PDIA5: variants seen among roughly 807,000 people sequenced by gnomAD.
The protein encoded by PDIA5 is protein disulfide isomerase family A member 5.
Under a neutral mutation model 77.6 loss-of-function variants are expected in PDIA5, and 58 were observed. The observed-to-expected ratio is 0.75, with a 90% confidence interval of 0.61 to 0.93. The LOEUF (loss-of-function observed/expected upper bound fraction) is 0.93, where lower values mean the gene tolerates loss of function less well. Among genes scored for constraint, PDIA5 ranks in the 40% least tolerant of loss-of-function variants. The pLI is 0.00. For synonymous variants in PDIA5, 250 were observed against 252.1 expected, an observed-to-expected ratio of 0.99 and a Z score of 0.08; for missense variants, 630 against 647.7, an observed-to-expected ratio of 0.97 and a Z score of 0.30.
intron 11 of PDIA5, among the ~76,000 whole-genome samples, chr3:123,139,032 C>T (rs188781201): frequency 6.6e-6 from 1 of 152,170 alleles, no homozygotes; most frequent in Non-Finnish European, 1.5e-5. Context: ...TGACAGGAAG[C>T]CAACATTCCC....
chr3:123,150,285 C>T lies in PDIA5; in HGVS notation c.1194C>T (p.Ser398=), dbSNP rs61996320. ...CCACGTGGGAAGAGCAGCAGACAAGCGTGTTGCACCTGGTGGGGGACAACT... is the reference window on the plus strand; with the variant it reads ...CCACGTGGGAAGAGCAGCAGACAAGTGTGTTGCACCTGGTGGGGGACAACT... The part of the protein sequence containing the change: ...PEPTWEEQQT[S]VLHLVGDNFR... Residue 398 remains serine, a synonymous_variant, in exon 14 of 17, where the codon AGC becomes AGT. Transcript: ENST00000316218. The T allele has an allele frequency of 1.8e-3, 2,850 of 1,613,606 alleles. 48 individuals carry two copies. The African/African-American group carries it at 0.034, about 19-fold the overall frequency.
intron 7 of PDIA5, among the ~76,000 whole-genome samples, chr3:123,112,816 T>C (rs961396429): frequency 6.6e-6 from 1 of 152,050 alleles, no homozygotes; most frequent in Non-Finnish European, 1.5e-5. Context: ...CACCTCGGCC[T>C]CCCAAAGTGC....
At chr3:123,151,392 T>C (rs1935889321) in intron 14 of PDIA5, among the ~76,000 whole-genome samples, 1 of 152,266 alleles carries the variant, frequency 6.6e-6, no homozygotes, top group Non-Finnish European at 1.5e-5. Flanking sequence ...CCCAAGGCCA[T>C]GGGGCAAGTT....
At chr3:123,090,599 C>T (rs770532966) in intron 2 of PDIA5, among the ~76,000 whole-genome samples, 23 of 152,158 alleles carry the variant, frequency 1.5e-4, no homozygotes, top group Non-Finnish European at 3.2e-4. Context: ...CCCTATGCCC[C>T]GCTGTCTCTC....
At chr3:123,072,542 G>A (rs774704414) in intron 1 of PDIA5, among the ~76,000 whole-genome samples, 14 of 152,114 alleles carry the variant, frequency 9.2e-5, no homozygotes, top group Non-Finnish European at 1.6e-4. Context: ...TCTCCCCACG[G>A]GAGTTACTTG....
In PDIA5 at chr3:123,124,312, A is replaced by T; in HGVS notation, c.742A>T (p.Thr248Ser). Residue 248 changes from threonine (T) to serine (S), a missense_variant, in exon 10 of 17, where the codon ACA (threonine) becomes TCA (serine). Transcript: ENST00000316218. ...FLFQYDNYGS[T>S]AEDIVEWLKN... Reference sequence around the variant, plus strand: ...GTTCCAGTATGACAACTATGGGTCCACAGCTGAGGACATTGTGGAGTGGCT... The same window carrying T: ...GTTCCAGTATGACAACTATGGGTCCTCAGCTGAGGACATTGTGGAGTGGCT... 6.2e-7 allele frequency: 1 copy of T among 1,613,746 alleles called. No individual in the cohort carries two copies. Among genetic ancestry groups the T allele is most frequent in the Non-Finnish European group, 8.5e-7 (1 of 1,179,614 alleles).
intron 8 of PDIA5, among the ~76,000 whole-genome samples, chr3:123,121,589 C>G (rs1356242858): frequency 6.6e-6 from 1 of 152,106 alleles, no homozygotes; most frequent in African/African-American, 2.4e-5. Context: ...CAAAGGCTGC[C>G]CAGAGACGTG....
At chr3:123,107,752 T>C (rs556240531) in intron 6 of PDIA5, among the ~76,000 whole-genome samples, 7 of 152,168 alleles carry the variant, frequency 4.6e-5, no homozygotes, top group Admixed American at 6.6e-5. Flanking sequence ...AAATAAAACA[T>C]AGCTTTCATC....
intron 1 of PDIA5, 36 bp downstream of exon 1, chr3:123,067,242 C>A: frequency 8.1e-7 from 1 of 1,236,900 alleles, no homozygotes; most frequent in Non-Finnish European, 1.0e-6. Context: ...GCCGGGCCAG[C>A]ACGTGTGTCC....
intron 11 of PDIA5, among the ~76,000 whole-genome samples, chr3:123,142,660 G>A (rs1008298847): frequency 6.6e-6 from 1 of 152,228 alleles, no homozygotes; most frequent in Non-Finnish European, 1.5e-5. Context: ...TATCTGCTGT[G>A]GAGAACAAGG....
intron 10 of PDIA5, among the ~76,000 whole-genome samples, chr3:123,126,473 A>G (rs1166581067): frequency 6.6e-6 from 1 of 152,202 alleles, no homozygotes; most frequent in Non-Finnish European, 1.5e-5. Flanking sequence ...CAACTAAGAT[A>G]GGCTTATTAT....
At chr3:123,141,693 A>G (rs138157621) in intron 11 of PDIA5, among the ~76,000 whole-genome samples, 1 of 152,334 alleles carries the variant, frequency 6.6e-6, no homozygotes, top group Non-Finnish European at 1.5e-5. Flanking sequence ...GAGCTGTAGA[A>G]CTTTTTCATC....
chr3:123,143,386 C>A (rs1300803667), intron 11 of PDIA5, among the ~76,000 whole-genome samples: 302 of 101,694 alleles, frequency 3.0e-3, no homozygotes, highest in East Asian at 3.2e-3. Context: ...GACTCCATCT[C>A]AAAAAAAAAA....
At chr3:123,109,694 A>G (rs923391803) in intron 6 of PDIA5, among the ~76,000 whole-genome samples, 25 of 150,784 alleles carry the variant, frequency 1.7e-4, no homozygotes, top group Non-Finnish European at 3.6e-4. Context: ...CAGCAGAAAG[A>G]AAAAAAAAAT....
At chr3:123,106,900 C>G in intron 6 of PDIA5, 59 bp downstream of exon 6, 1 of 1,193,358 alleles carries the variant, frequency 8.4e-7, no homozygotes, top group Non-Finnish European at 1.2e-6. Context: ...ACCAGGGCCT[C>G]CCAAGGAAAG....
intron 10 of PDIA5, among the ~76,000 whole-genome samples, chr3:123,128,791 C>T (rs1297234607): frequency 6.6e-6 from 1 of 152,230 alleles, no homozygotes; most frequent in African/African-American, 2.4e-5. Context: ...TTCTTTCCTC[C>T]TTATCCTCCC....
chr3:123,139,755 G>A (rs561966440), intron 11 of PDIA5, among the ~76,000 whole-genome samples: 2 of 152,282 alleles, frequency 1.3e-5, no homozygotes, highest in South Asian at 2.1e-4. Flanking sequence ...ATTTAGTCCT[G>A]CCAAACCTTG....
intron 15 of PDIA5, among the ~76,000 whole-genome samples, chr3:123,157,234 A>T (rs969683602): frequency 2.6e-5 from 4 of 152,196 alleles, no homozygotes; most frequent in Admixed American, 6.5e-5. Flanking sequence ...TATTCATGAC[A>T]TCAGGGAAGC....
chr3:123,098,516 C>T (rs933827478), intron 3 of PDIA5, among the ~76,000 whole-genome samples: 1 of 152,148 alleles, frequency 6.6e-6, no homozygotes, highest in African/African-American at 2.4e-5. Flanking sequence ...GCCAGCTGTC[C>T]CATGGCAGAT....
Sources: allele counts gnomAD v4.1 joint callset (sites outside exome capture counted in the v4.1 genomes callset), GRCh38; gene constraint gnomAD v4.1.1; transcripts MANE v1.5; gene names NCBI Gene and HGNC (gene_info 2026-07-23, HGNC 2026-07-21).